GRIK1: variants seen among roughly 807,000 people sequenced by gnomAD.
GRIK1 encodes the protein glutamate ionotropic receptor kainate type subunit 1, also known as glutamate receptor ionotropic, kainate 1.
Under a neutral mutation model 105.7 loss-of-function variants are expected in GRIK1, and 69 were observed. The observed-to-expected ratio is 0.65, with a 90% CI of 0.54 to 0.80. The LOEUF (loss-of-function observed/expected upper bound fraction) is 0.80. Ranked by LOEUF, GRIK1 falls within the 30% of genes least tolerant of loss-of-function variation. GRIK1 has a pLI of 0.00. For synonymous variants in GRIK1, 438 were observed against 431.3 expected (o/e 1.02, Z -0.19); for missense variants, 1,109 against 1,167.3 (o/e 0.95, Z 0.73).
Position 29,918,497 on chromosome 21 carries a change from G to A in GRIK1, c.118+20886C>T, listed in dbSNP as rs116972784. On this transcript the variant is annotated intron_variant, in intron 1 of 17. Coordinates refer to ENST00000327783, the MANE Select transcript of GRIK1 (RefSeq NM_001330994.2). Reference sequence around the variant, plus strand: ...ATAGAATGTTCATAATCAGGCTCTTGAATATTTCAATATTCACCAGTATAT... The same window carrying A: ...ATAGAATGTTCATAATCAGGCTCTTAAATATTTCAATATTCACCAGTATAT... Among the ~76,000 whole-genome samples, 3 of 151,960 alleles carry A rather than the reference G, an allele frequency of 2.0e-5. No individual in the cohort carries two copies. The East Asian group carries it at 5.8e-4, about 29-fold the overall frequency.
At chr21:29,836,259 C>G (rs1479284905) in intron 1 of GRIK1, among the ~76,000 whole-genome samples, 1 of 152,168 alleles carries the variant, frequency 6.6e-6, no homozygotes, top group Non-Finnish European at 1.5e-5. Context: ...ATAAACCAAT[C>G]ATGAGAAATA....
At chr21:29,786,618 A>G (rs1011307688) in intron 1 of GRIK1, among the ~76,000 whole-genome samples, 1 of 152,236 alleles carries the variant, frequency 6.6e-6, no homozygotes, top group African/African-American at 2.4e-5. Context: ...ATGTACACAG[A>G]AAAGTCTCTC....
At chr21:29,937,193 G>T (rs757558255) in intron 1 of GRIK1, among the ~76,000 whole-genome samples, 7 of 152,216 alleles carry the variant, frequency 4.6e-5, no homozygotes, top group Non-Finnish European at 1.0e-4. Flanking sequence ...AGTCACTGTA[G>T]AGAAACAGGT....
intron 7 of GRIK1, among the ~76,000 whole-genome samples, chr21:29,613,225 G>A (rs2061769081): frequency 6.6e-6 from 1 of 152,136 alleles, no homozygotes; most frequent in Non-Finnish European, 1.5e-5. Flanking sequence ...ACAGATACGT[G>A]ATTACTCATA....
At chr21:29,847,927 T>TCA (rs1211764745) in intron 1 of GRIK1, among the ~76,000 whole-genome samples, 1 of 151,900 alleles carries the variant, frequency 6.6e-6, no homozygotes, top group African/African-American at 2.4e-5. Flanking sequence ...TCTCTCTCTC[T>TCA]CTCACACACA....
At chr21:29,747,145 A>G (rs2065066784) in intron 1 of GRIK1, among the ~76,000 whole-genome samples, 1 of 152,218 alleles carries the variant, frequency 6.6e-6, no homozygotes, top group Non-Finnish European at 1.5e-5. Context: ...GTTACCTTAA[A>G]TAGACAAAAG....
chr21:29,778,092 G>T (rs2065996500), intron 1 of GRIK1, among the ~76,000 whole-genome samples: 1 of 152,032 alleles, frequency 6.6e-6, no homozygotes, highest in Admixed American at 6.5e-5. Flanking sequence ...TGTGGTTGTG[G>T]GTAAAAAACT....
At chr21:29,633,359 C>T (rs1213493275) in intron 7 of GRIK1, among the ~76,000 whole-genome samples, 1 of 152,076 alleles carries the variant, frequency 6.6e-6, no homozygotes, top group Non-Finnish European at 1.5e-5. Context: ...ATTAGCCAGG[C>T]GTGGTGGCGC....
intron 1 of GRIK1, among the ~76,000 whole-genome samples, chr21:29,731,647 G>A (rs140033745): frequency 2.6e-4 from 40 of 152,290 alleles, no homozygotes; most frequent in African/African-American, 9.4e-4. Context: ...TGAGATGTCT[G>A]TGGTGTTGGC....
chr21:29,627,537 T>G (rs1307947610), intron 7 of GRIK1, among the ~76,000 whole-genome samples: 1 of 152,156 alleles, frequency 6.6e-6, no homozygotes, highest in Non-Finnish European at 1.5e-5. Context: ...ATGGAAGATT[T>G]GGGTTGGTAC....
intron 1 of GRIK1, among the ~76,000 whole-genome samples, chr21:29,767,978 T>G (rs565954961): frequency 2.2e-4 from 33 of 152,212 alleles, no homozygotes; most frequent in African/African-American, 7.7e-4. Context: ...CCTTTTTGGC[T>G]TCACTCCAGA....
At chr21:29,836,678 T>C (rs2067815877) in intron 1 of GRIK1, among the ~76,000 whole-genome samples, 1 of 152,156 alleles carries the variant, frequency 6.6e-6, no homozygotes, top group Non-Finnish European at 1.5e-5. Context: ...CATATATATA[T>C]ATATTTACAC....
intron 1 of GRIK1, among the ~76,000 whole-genome samples, chr21:29,926,668 T>A (rs989291628): frequency 2.0e-5 from 3 of 151,762 alleles, no homozygotes; most frequent in Non-Finnish European, 4.4e-5. Flanking sequence ...TATATATATA[T>A]ACACATATAT....
intron 1 of GRIK1, among the ~76,000 whole-genome samples, chr21:29,848,792 T>TTTTTTC (rs1237013113): frequency 6.9e-6 from 1 of 144,722 alleles, no homozygotes; most frequent in African/African-American, 2.6e-5. Context: ...TTTTTTTTTT[T>TTTTTTC]CCACGATCTT....
intron 12 of GRIK1, among the ~76,000 whole-genome samples, chr21:29,581,902 G>A (rs931615798): frequency 6.6e-6 from 1 of 152,078 alleles, no homozygotes; most frequent in Non-Finnish European, 1.5e-5. Flanking sequence ...ACCAAGTAGC[G>A]ACGAATGTGA....
chr21:29,612,651 T>C (rs941056967), intron 7 of GRIK1, among the ~76,000 whole-genome samples: 14 of 152,200 alleles, frequency 9.2e-5, no homozygotes, highest in African/African-American at 3.4e-4. Context: ...CAATCCATGA[T>C]AGAATTACTT....
intron 3 of GRIK1, among the ~76,000 whole-genome samples, chr21:29,677,182 C>T (rs1032178541): frequency 6.6e-5 from 10 of 152,054 alleles, no homozygotes; most frequent in African/African-American, 1.9e-4. Flanking sequence ...CAAATGAGGC[C>T]AAATGATAAT....
chr21:29,883,650 A>G (rs1485952948), intron 1 of GRIK1, among the ~76,000 whole-genome samples: 1 of 152,094 alleles, frequency 6.6e-6, no homozygotes, highest in Non-Finnish European at 1.5e-5. Flanking sequence ...ATCAGGTATC[A>G]GGTTATAAAG....
intron 7 of GRIK1, among the ~76,000 whole-genome samples, chr21:29,601,779 T>C (rs927591765): frequency 6.6e-6 from 1 of 152,362 alleles, no homozygotes; most frequent in South Asian, 2.1e-4. Flanking sequence ...ACACTTTCAG[T>C]TTGGAAATCC....
Sources: allele counts gnomAD v4.1 joint callset (sites outside exome capture counted in the v4.1 genomes callset), GRCh38; gene constraint gnomAD v4.1.1; transcripts MANE v1.5; gene names NCBI Gene and HGNC (gene_info 2026-07-23, HGNC 2026-07-21).